Variants in ARMC9 observed in about 807,000 individuals in gnomAD.
ARMC9 encodes the protein armadillo repeat containing 9, also known as lisH domain-containing protein ARMC9.
Under a neutral mutation model 107.0 loss-of-function variants are expected in ARMC9, and 94 were observed. The observed-to-expected ratio is 0.88, with a 90% CI of 0.74 to 1.04. The LOEUF (loss-of-function observed/expected upper bound fraction) is 1.04. Among genes scored for constraint, ARMC9 ranks in the 50% least tolerant of loss-of-function variants. The probability of loss-of-function intolerance (pLI) is 0.00; values close to 1 mark genes in which losing one functional copy is unlikely to be tolerated. For synonymous variants in ARMC9, 380 were observed against 396.9 expected (o/e 0.96, Z 0.51); for missense variants, 942 against 1,030.1 (o/e 0.91, Z 1.17).
At chr2:231,268,699 A>G (rs111511765) in intron 12 of ARMC9, among the ~76,000 whole-genome samples, 6,049 of 152,282 alleles carry the variant, frequency 0.04, 181 homozygotes, top group Non-Finnish European at 0.059. Flanking sequence ...CCTGGATTGT[A>G]AATAATTTTC....
At chr2:231,303,040 C>T (rs988644605) in intron 19 of ARMC9, among the ~76,000 whole-genome samples, 2 of 152,124 alleles carry the variant, frequency 1.3e-5, no homozygotes, top group Non-Finnish European at 2.9e-5. Flanking sequence ...TCATTTTTAT[C>T]TTGTTAATTA....
intron 1 of ARMC9, among the ~76,000 whole-genome samples, chr2:231,200,861 T>C (rs1320820119): frequency 1.3e-5 from 2 of 150,232 alleles, no homozygotes; most frequent in Non-Finnish European, 3.0e-5. Flanking sequence ...AAAAAAGCCT[T>C]GGTAGGGAAA....
chr2:231,258,798 T>A (rs991425258), intron 10 of ARMC9, among the ~76,000 whole-genome samples, 193 bp from the exon 11 acceptor site: 1 of 152,080 alleles, frequency 6.6e-6, no homozygotes, highest in Non-Finnish European at 1.5e-5. Flanking sequence ...TCCAACAGAA[T>A]AGGCAGAGCT....
At chr2:231,369,928 C>A in intron 23 of ARMC9, 25 bp from the exon 24 acceptor site, 1 of 1,461,386 alleles carries the variant, frequency 6.8e-7, no homozygotes, top group South Asian at 1.4e-5. Flanking sequence ...GTAGCTGGGA[C>A]TCCAGGTTGC....
intron 5 of ARMC9, among the ~76,000 whole-genome samples, chr2:231,221,680 A>G (rs2034140915): frequency 6.6e-6 from 1 of 151,306 alleles, no homozygotes; most frequent in African/African-American, 2.4e-5. Flanking sequence ...AAAAAAAAAA[A>G]TACAAAAATT....
At chr2:231,343,999 T>C (rs2125582219) in intron 20 of ARMC9, among the ~76,000 whole-genome samples, 1 of 152,348 alleles carries the variant, frequency 6.6e-6, no homozygotes, top group South Asian at 2.1e-4. Context: ...TCTTTATCAT[T>C]GTACATGGCT....
At chr2:231,282,314 G>C (rs984050149) in intron 17 of ARMC9, among the ~76,000 whole-genome samples, 181 bp downstream of exon 17, 4 of 152,196 alleles carry the variant, frequency 2.6e-5, no homozygotes, top group South Asian at 2.1e-4. Context: ...GCTTTTATCA[G>C]ATCCTCAAGG....
rs1052474356 is a variant in ARMC9, at chr2:231,255,449, T to C, written c.880-1137T>C. ...TTCATATTGCTTTTGTTCTTCACAATGTATTTAACTAGGCAGTTTGAAATG... is the reference window on the plus strand; with the variant it reads ...TTCATATTGCTTTTGTTCTTCACAACGTATTTAACTAGGCAGTTTGAAATG... On this transcript the variant is annotated intron_variant, in intron 9 of 24. Transcript: ENST00000611582. The surrounding 1 kb of genome is among the most constrained non-coding windows in gnomAD (Gnocchi z 4.7). 1.3e-5 allele frequency among the ~76,000 whole-genome samples: 2 copies of C among 152,192 alleles called. No individual in the cohort carries two copies. Among genetic ancestry groups the C allele is most frequent in the Admixed American group, 1.3e-4 (2 of 15,286 alleles).
At chr2:231,258,965 C>A in intron 10 of ARMC9, 26 bp from the exon 11 acceptor site, 3 of 1,583,718 alleles carry the variant, frequency 1.9e-6, no homozygotes, top group Non-Finnish European at 2.6e-6. Context: ...CCTTTTCTTT[C>A]TCTTTGAACT....
chr2:231,206,381 G>A, intron 2 of ARMC9, 92 bp downstream of exon 2: 1 of 1,037,398 alleles, frequency 9.6e-7, no homozygotes, highest in African/African-American at 1.7e-5. Flanking sequence ...GCCTTGTAAT[G>A]TTTCTTCTAT....
rs543931533 is a variant in ARMC9 at position 231,229,739 on chromosome 2, A to G, written c.622+2941A>G. 3.3e-5 allele frequency among the ~76,000 whole-genome samples: 5 copies of G among 152,344 alleles called. No individual in the cohort carries two copies. The South Asian group carries it at 1.0e-3, about 32-fold the overall frequency. On this transcript the variant is annotated intron_variant, in intron 7 of 24. Transcript: ENST00000611582. ...TAGCAAGGAGGTAATTTTTATCTGAATACAAACAGGAAAGAGTATATCATT... is the reference window on the plus strand; with the variant it reads ...TAGCAAGGAGGTAATTTTTATCTGAGTACAAACAGGAAAGAGTATATCATT...
intron 11 of ARMC9, among the ~76,000 whole-genome samples, chr2:231,260,916 C>T (rs2038279072): frequency 6.6e-6 from 1 of 152,168 alleles, no homozygotes; most frequent in Non-Finnish European, 1.5e-5. Flanking sequence ...CCCCACCCGG[C>T]TTTTTGCCCC....
intron 14 of ARMC9, among the ~76,000 whole-genome samples, chr2:231,276,398 G>C (rs1423981772): frequency 1.3e-5 from 2 of 151,816 alleles, no homozygotes; most frequent in Non-Finnish European, 2.9e-5. Context: ...AGCCTCCCAA[G>C]TAGCTGGGAT....
chr2:231,347,273 C>T (rs1273188791), intron 21 of ARMC9, among the ~76,000 whole-genome samples: 2 of 152,208 alleles, frequency 1.3e-5, no homozygotes, highest in African/African-American at 4.8e-5. Context: ...CGCCCCGTCA[C>T]CAGCTTCCCT....
chr2:231,235,282 C>T lies in ARMC9; in HGVS notation c.681C>T (p.Tyr227=), dbSNP rs750457726. ...AAGCTGAACGTAGGTCAGTGACATA[C>T]CTCAAACGGTACAATAAGATCCAGG... ...LVEAERRSVT[Y]LKRYNKIQAD... is the part of the protein sequence containing the mutation. Residue 227 remains tyrosine (Y), a synonymous_variant, in exon 8 of 25, where the codon TAC becomes TAT. Transcript: ENST00000611582. 8 of 1,614,198 alleles carry T rather than the reference C, an allele frequency of 5.0e-6. No homozygotes were observed. The highest frequency in any genetic ancestry group is 6.8e-6 in the Non-Finnish European group (8 of 1,180,026).
rs766662964 is a variant in ARMC9 at position 231,276,809 on chromosome 2, G to A, written c.1474+34G>A. 6.8e-6 allele frequency: 11 copies of A among 1,610,224 alleles called. No individual in the cohort carries two copies. In the East Asian group the frequency reaches 1.1e-4, roughly 16 times the overall value. On this transcript the variant is annotated intron_variant, in intron 15 of 24. Transcript: ENST00000611582. ...CCCGACCCTCATTCTAGTGCAAGAA[G>A]GGGAAGAGATCTTGACTCTTGAAGC...
Position 231,362,345 on chromosome 2 carries a change from C to T in ARMC9, c.2261+1462C>T, listed in dbSNP as rs2045623172. Among the ~76,000 whole-genome samples the T allele has an allele frequency of 6.6e-6, 1 of 152,162 alleles. No individual in the cohort carries two copies. The highest frequency in any genetic ancestry group is 6.5e-5 in the Admixed American group (1 of 15,270). Reference sequence around the variant, plus strand: ...ATCCTCCCCTGCGGTTCAGCCAGGCCAAACCTACGCTTCCGGTATAGGCCA... The same window carrying T: ...ATCCTCCCCTGCGGTTCAGCCAGGCTAAACCTACGCTTCCGGTATAGGCCA... On this transcript the variant is annotated intron_variant, in intron 23 of 24. Coordinates refer to ENST00000611582, the MANE Select transcript of ARMC9 (RefSeq NM_001352754.2). This position sits in a 1 kb window ranked among gnomAD's most constrained non-coding sequence, Gnocchi z 4.7.
chr2:231,247,450 G>T (rs767679918), intron 9 of ARMC9, among the ~76,000 whole-genome samples: 1 of 152,266 alleles, frequency 6.6e-6, no homozygotes, highest in Non-Finnish European at 1.5e-5. Flanking sequence ...CTTCTCCCCA[G>T]TGTGATTTTC....
chr2:231,202,825 A>G lies in ARMC9; in HGVS notation c.-41-3373A>G, dbSNP rs773598350. Among the ~76,000 whole-genome samples, 73 of 152,150 alleles carry G rather than the reference A, an allele frequency of 4.8e-4. 1 individual carries two copies. The highest frequency in any genetic ancestry group is 1.2e-3 in the South Asian group (6 of 4,830). ...AACGGCCAAACTTCACCCTCTTACA[A>G]TGGGCCTCAGTATAACAGTGGGCCT... On this transcript the variant is annotated intron_variant, in intron 1 of 24. Transcript: ENST00000611582.
Sources: allele counts gnomAD v4.1 joint callset (sites outside exome capture counted in the v4.1 genomes callset), GRCh38; gene constraint gnomAD v4.1.1; non-coding constraint Gnocchi (gnomAD v3.1); transcripts MANE v1.5; gene names NCBI Gene and HGNC (gene_info 2026-07-23, HGNC 2026-07-21).